Variants in KCND3 observed in about 807,000 individuals in gnomAD.
KCND3 encodes the protein potassium voltage-gated channel subfamily D member 3.
A neutral mutation model predicts 51.1 loss-of-function variants in KCND3; 9 were observed. The ratio of observed to expected loss-of-function variants is 0.18; its 90% CI spans 0.11 to 0.31. KCND3 has a LOEUF of 0.31. Ranked by LOEUF, KCND3 falls within the 10% of genes least tolerant of loss-of-function variation. The probability of loss-of-function intolerance (pLI) is 1.00; values close to 1 mark genes in which losing one functional copy is unlikely to be tolerated. For missense variants in KCND3, 526 were observed against 903.8 expected (o/e 0.58, Z 5.36); for synonymous variants, 349 against 368.0 (o/e 0.95, Z 0.59).
chr1:111,843,170 A>G (rs921534585), intron 2 of KCND3, among the ~76,000 whole-genome samples: 18 of 152,066 alleles, frequency 1.2e-4, no homozygotes, highest in Admixed American at 2.0e-4. Context: ...TGTGGAGTGG[A>G]TGAGAGAATC....
chr1:111,972,785 C>T (rs1674412883), intron 2 of KCND3, among the ~76,000 whole-genome samples: 1 of 152,218 alleles, frequency 6.6e-6, no homozygotes, highest in African/African-American at 2.4e-5. Context: ...TTCTTTATTT[C>T]TCTATCCCCC....
intron 2 of KCND3, among the ~76,000 whole-genome samples, chr1:111,876,569 C>T (rs1356948448): frequency 6.6e-6 from 1 of 152,256 alleles, no homozygotes; most frequent in Non-Finnish European, 1.5e-5. Flanking sequence ...ATTTTAACTT[C>T]AGCCCAAGCA....
At chr1:111,793,096 C>T (rs1664908066) in intron 2 of KCND3, among the ~76,000 whole-genome samples, 1 of 151,510 alleles carries the variant, frequency 6.6e-6, no homozygotes, top group South Asian at 2.1e-4. Context: ...AACTCCTGCC[C>T]TCAAGTGATC....
chr1:111,835,178 T>G (rs1378035638), intron 2 of KCND3, among the ~76,000 whole-genome samples: 4 of 152,228 alleles, frequency 2.6e-5, no homozygotes, highest in Non-Finnish European at 5.9e-5. Context: ...TCCTGACCTT[T>G]GGAAGCTCTG....
intron 2 of KCND3, among the ~76,000 whole-genome samples, chr1:111,829,482 C>G (rs1666733799): frequency 1.3e-5 from 2 of 152,208 alleles, no homozygotes; most frequent in South Asian, 4.2e-4. Flanking sequence ...CTAATAGATG[C>G]AAGGTTGTTG....
At chr1:111,939,047 T>C (rs1161079802) in intron 2 of KCND3, among the ~76,000 whole-genome samples, 2 of 152,134 alleles carry the variant, frequency 1.3e-5, no homozygotes, top group Non-Finnish European at 2.9e-5. Flanking sequence ...CCAGGAAACT[T>C]ATTAGAAGAA....
In KCND3 at chr1:111,847,954, C is replaced by A. The variant is rs1667633585; in HGVS notation, c.1107-60848G>T. 2.0e-5 allele frequency among the ~76,000 whole-genome samples: 3 copies of A among 152,216 alleles called. No homozygotes were observed. The South Asian group carries it at 6.2e-4, about 31-fold the overall frequency. On this transcript the variant is annotated intron_variant, in intron 2 of 7. Transcript: ENST00000302127. ...CCCTCCCTGAGCTCCCATGACAGCA[C>A]CTGCCTAGGCCTCGCCTCTCCCACG... is the stretch of plus-strand genomic sequence containing the variant.
intron 2 of KCND3, among the ~76,000 whole-genome samples, chr1:111,798,990 C>T (rs1309902852): frequency 1.3e-5 from 2 of 152,056 alleles, no homozygotes; most frequent in African/African-American, 2.4e-5. Context: ...TATACACCAA[C>T]CGTAACCAGG....
chr1:111,803,360 T>G (rs868207607), intron 2 of KCND3, among the ~76,000 whole-genome samples: 3 of 152,230 alleles, frequency 2.0e-5, no homozygotes, highest in Non-Finnish European at 4.4e-5. Context: ...TCTCTTTCAG[T>G]CTCTGCCTCT....
rs774064556 is a variant in KCND3 at position 111,777,260 on chromosome 1, A to G, written c.1532T>C (p.Ile511Thr). ...RTSTIKNHEF[I>T]DEQMFEQNCM... ...GTTCTGCTCAAACATCTGCTCATCA[A>G]TAAACTCGTGGTTCTGCGGGAGGCA... Residue 511 changes from isoleucine (I) to threonine (T), a missense_variant, in exon 7 of 8, where the codon ATT (isoleucine) becomes ACT (threonine). This residue lies in a region of KCND3 where 266 missense variants were observed against 305.5 expected (regional missense o/e 0.87). Transcript: ENST00000302127. 6.2e-7 allele frequency: 1 copy of G among 1,614,232 alleles called. No individual in the cohort carries two copies. The highest frequency in any genetic ancestry group is 1.1e-5 in the South Asian group (1 of 91,086).
At chr1:111,816,608 G>T (rs1666100152) in intron 2 of KCND3, among the ~76,000 whole-genome samples, 1 of 152,178 alleles carries the variant, frequency 6.6e-6, no homozygotes, top group African/African-American at 2.4e-5. Flanking sequence ...TACTGTGGGT[G>T]GGCGCTTCTA....
intron 2 of KCND3, among the ~76,000 whole-genome samples, chr1:111,964,525 A>G (rs1266196180): frequency 6.6e-6 from 1 of 152,164 alleles, no homozygotes; most frequent in Non-Finnish European, 1.5e-5. Context: ...CCAGCCCCAG[A>G]GGAACAAGGT....
chr1:111,971,585 C>A (rs771076140), intron 2 of KCND3, among the ~76,000 whole-genome samples: 2 of 152,132 alleles, frequency 1.3e-5, no homozygotes, highest in Non-Finnish European at 2.9e-5. Context: ...TCTATTTTTT[C>A]TGCTTCAGCT....
intron 2 of KCND3, among the ~76,000 whole-genome samples, chr1:111,833,382 T>C (rs912221993): frequency 1.3e-5 from 2 of 152,226 alleles, no homozygotes; most frequent in Non-Finnish European, 2.9e-5. Context: ...ATATCCTTAT[T>C]GAATGGCCTT....
At chr1:111,948,550 T>C (rs895050773) in intron 2 of KCND3, among the ~76,000 whole-genome samples, 3 of 152,214 alleles carry the variant, frequency 2.0e-5, no homozygotes, top group South Asian at 2.1e-4. Flanking sequence ...CTCCCACTTT[T>C]TTCCCCCTGG....
intron 2 of KCND3, among the ~76,000 whole-genome samples, chr1:111,971,117 C>G (rs528706626): frequency 6.6e-6 from 1 of 152,322 alleles, no homozygotes; most frequent in East Asian, 1.9e-4. Context: ...TAGTACCACT[C>G]TGAAGTAGCA....
chr1:111,988,069 CAA>C (rs796867501), intron 1 of KCND3, among the ~76,000 whole-genome samples: 33 of 152,074 alleles, frequency 2.2e-4, no homozygotes, highest in African/African-American at 7.5e-4. Context: ...CATAAGGCAG[CAA>C]AAAAAGTCAT....
chr1:111,982,343 G>T lies in KCND3; in HGVS notation c.384C>A (p.Ile128=), dbSNP rs1423401349. The change falls in exon 2 of 8, where the codon ATC becomes ATA. Residue 128 remains isoleucine, a synonymous_variant. Coordinates refer to ENST00000302127, the MANE Select transcript of KCND3 (RefSeq NM_001378969.1). The surrounding 1 kb of genome is among the most constrained non-coding windows in gnomAD (Gnocchi z 8.5). ...LAFYGILPEI[I]GDCCYEEYKD... ...TGTACTCCTCGTAGCAGCAGTCCCC[G>T]ATGATCTCCGGGAGGATGCCGTAGA... The T allele has an allele frequency of 6.2e-7, 1 of 1,613,924 alleles. No individual in the cohort carries two copies. The highest frequency in any genetic ancestry group is 1.3e-5 in the African/African-American group (1 of 74,914).
chr1:111,795,279 G>T (rs536250902), intron 2 of KCND3, among the ~76,000 whole-genome samples: 7 of 152,162 alleles, frequency 4.6e-5, no homozygotes, highest in Non-Finnish European at 1.0e-4. Flanking sequence ...AGTGAGCCAG[G>T]AACCAAAAAG....
Sources: allele counts gnomAD v4.1 joint callset (sites outside exome capture counted in the v4.1 genomes callset), GRCh38; gene constraint gnomAD v4.1.1; regional missense constraint gnomAD v4.1.1; non-coding constraint Gnocchi (gnomAD v3.1); transcripts MANE v1.5; gene names NCBI Gene and HGNC (gene_info 2026-07-23, HGNC 2026-07-21).